The following ZNF804B variants were observed in gnomAD, a reference collection of about 807,000 sequenced individuals.
The protein encoded by ZNF804B is zinc finger 804B.
In ZNF804B, 80 loss-of-function variants were observed where a neutral mutation model predicts 101.4. That is an observed-to-expected ratio of 0.79 (90% CI 0.66 to 0.95). The LOEUF (loss-of-function observed/expected upper bound fraction) is 0.95, where lower values mean the gene tolerates loss of function less well. Ranked by LOEUF, ZNF804B falls within the 40% of genes least tolerant of loss-of-function variation. The pLI, the probability that ZNF804B is intolerant of heterozygous loss-of-function variation, is 0.00. For missense variants in ZNF804B, 1,673 were observed against 1,561.9 expected (o/e 1.07, Z -1.20); for synonymous variants, 622 against 558.8 (o/e 1.11, Z -1.59).
At chr7:88,964,552 G>T (rs1793429473) in intron 1 of ZNF804B, among the ~76,000 whole-genome samples, 1 of 151,394 alleles carries the variant, frequency 6.6e-6, no homozygotes, top group Admixed American at 6.6e-5. Context: ...ATTGTTTTAT[G>T]CATACAGAGT....
At chr7:88,787,557 C>T (rs1391911349) in intron 1 of ZNF804B, among the ~76,000 whole-genome samples, 1 of 152,130 alleles carries the variant, frequency 6.6e-6, no homozygotes, top group Admixed American at 6.6e-5. Context: ...CTGTTTCAAA[C>T]TGTGAATTCT....
chr7:89,168,989 T>C (rs1427703713), intron 1 of ZNF804B, among the ~76,000 whole-genome samples: 1 of 152,072 alleles, frequency 6.6e-6, no homozygotes, highest in African/African-American at 2.4e-5. Context: ...GTGGTGAGTG[T>C]TATAGCTCTA....
intron 1 of ZNF804B, among the ~76,000 whole-genome samples, chr7:88,964,869 C>T (rs1435799849): frequency 6.6e-6 from 1 of 151,348 alleles, no homozygotes; most frequent in Non-Finnish European, 1.5e-5. Flanking sequence ...GGAAGTCTTG[C>T]ATACAGCAGA....
intron 1 of ZNF804B, among the ~76,000 whole-genome samples, chr7:88,917,096 C>T (rs376970421): frequency 1.3e-5 from 2 of 152,026 alleles, no homozygotes; most frequent in African/African-American, 4.8e-5. Flanking sequence ...GAAACTCTGT[C>T]TCTACTAAAA....
chr7:89,096,421 A>G (rs1789973514), intron 1 of ZNF804B, among the ~76,000 whole-genome samples: 1 of 152,100 alleles, frequency 6.6e-6, no homozygotes, highest in African/African-American at 2.4e-5. Flanking sequence ...GTTGATCCCG[A>G]GACTGATGTG....
chr7:89,228,443 G>T (rs1789130865), intron 2 of ZNF804B, among the ~76,000 whole-genome samples: 1 of 152,118 alleles, frequency 6.6e-6, no homozygotes, highest in African/African-American at 2.4e-5. Context: ...CCCTGAGCTA[G>T]ACACATAGGT....
chr7:89,242,266 ATTG>A (rs148513218), intron 2 of ZNF804B, among the ~76,000 whole-genome samples: 5,399 of 152,046 alleles, frequency 0.036, 290 homozygotes, highest in African/African-American at 0.12. Context: ...GAAGTAAGCT[ATTG>A]TTAGGCCTTA....
At chr7:88,973,902 A>C (rs1192710474) in intron 1 of ZNF804B, among the ~76,000 whole-genome samples, 3 of 151,374 alleles carry the variant, frequency 2.0e-5, no homozygotes, top group Non-Finnish European at 4.4e-5. Context: ...TAAATTCCTT[A>C]TGGCTCTTTT....
At chr7:88,985,892 T>C (rs1003743455) in intron 1 of ZNF804B, among the ~76,000 whole-genome samples, 3 of 152,134 alleles carry the variant, frequency 2.0e-5, no homozygotes, top group Non-Finnish European at 4.4e-5. Flanking sequence ...AATTCAGATG[T>C]AGATAATACC....
chr7:89,247,450 C>T (rs1362243537), intron 2 of ZNF804B, among the ~76,000 whole-genome samples: 1 of 152,080 alleles, frequency 6.6e-6, no homozygotes, highest in Non-Finnish European at 1.5e-5. Flanking sequence ...ACCACAGAGC[C>T]CAATATTCAA....
intron 1 of ZNF804B, among the ~76,000 whole-genome samples, chr7:88,981,591 C>T (rs1793695786): frequency 6.6e-6 from 1 of 152,008 alleles, no homozygotes; most frequent in Non-Finnish European, 1.5e-5. Flanking sequence ...GCCTAGACTA[C>T]CTTCAGGTTT....
intron 1 of ZNF804B, among the ~76,000 whole-genome samples, chr7:88,918,114 TAG>T (rs1160148101): frequency 6.6e-6 from 1 of 152,148 alleles, no homozygotes; most frequent in Admixed American, 6.6e-5. Context: ...TCTCTTCATT[TAG>T]AGAATCTGAA....
Position 89,220,002 on chromosome 7 carries a change from T to TACATATATAC in ZNF804B, c.249+1707_249+1708insACATATATAC, listed in dbSNP as rs1491540820. On this transcript the variant is annotated intron_variant, in intron 2 of 3. Coordinates refer to ENST00000333190, the MANE Select transcript of ZNF804B (RefSeq NM_181646.5). ...ATACATATGTGTGCATATATGTATA[T>TACATATATAC]GCACATATATGTGTGTATACATATA... Among the ~76,000 whole-genome samples the TACATATATAC allele has an allele frequency of 4.6e-3, 127 of 27,592 alleles. 29 individuals carry two copies. The highest frequency in any genetic ancestry group is 0.01 in the African/African-American group (81 of 7,718). The allele number at this position is 27,592 out of a possible 152,430, so 18.1% of individuals were successfully genotyped here.
chr7:88,993,938 G>A (rs987403961), intron 1 of ZNF804B, among the ~76,000 whole-genome samples: 8 of 151,866 alleles, frequency 5.3e-5, no homozygotes, highest in Non-Finnish European at 1.5e-5. Flanking sequence ...TATTAGATGT[G>A]TTTATTCTAG....
chr7:88,970,254 T>C (rs1015368272), intron 1 of ZNF804B, among the ~76,000 whole-genome samples: 2 of 151,582 alleles, frequency 1.3e-5, no homozygotes, highest in African/African-American at 4.8e-5. Context: ...GCTTGTTACA[T>C]AGGTAAACAT....
intron 1 of ZNF804B, among the ~76,000 whole-genome samples, chr7:89,181,974 A>T (rs1374449697): frequency 6.6e-6 from 1 of 152,208 alleles, no homozygotes; most frequent in Non-Finnish European, 1.5e-5. Flanking sequence ...TTTGAACCAG[A>T]CCAATAGAAT....
At chr7:88,863,329 T>C (rs1791678378) in intron 1 of ZNF804B, among the ~76,000 whole-genome samples, 1 of 152,214 alleles carries the variant, frequency 6.6e-6, no homozygotes, top group Non-Finnish European at 1.5e-5. Flanking sequence ...AAAAAGCTGG[T>C]TGTCTTTGTT....
intron 1 of ZNF804B, among the ~76,000 whole-genome samples, chr7:88,883,692 G>T (rs1259391434): frequency 2.6e-5 from 4 of 152,048 alleles, no homozygotes; most frequent in Non-Finnish European, 4.4e-5. Context: ...CAAAGATTTT[G>T]ATTTGATAGG....
At chr7:89,121,951 C>A (rs1444438454) in intron 1 of ZNF804B, among the ~76,000 whole-genome samples, 1 of 151,884 alleles carries the variant, frequency 6.6e-6, no homozygotes. Flanking sequence ...CTTCCATGTA[C>A]TATACAGTGT....
Sources: gnomAD v4.1 joint callset for allele counts (sites outside exome capture counted in the v4.1 genomes callset) on GRCh38, gnomAD v4.1.1 for gene constraint, MANE v1.5 for transcripts, NCBI Gene and HGNC (gene_info 2026-07-23, HGNC 2026-07-21) for gene names.